Variants in GANC observed in about 807,000 individuals in gnomAD.
The protein encoded by GANC is glucosidase alpha, neutral C.
A neutral mutation model predicts 124.2 loss-of-function variants in GANC; 117 were observed. The observed-to-expected ratio is 0.94, with a 90% CI of 0.81 to 1.10. The LOEUF is 1.10. Among genes scored for constraint, GANC ranks in the 50% least tolerant of loss-of-function variants. GANC has a pLI of 0.00. For missense variants in GANC, 1,140 were observed against 1,095.0 expected, an observed-to-expected ratio of 1.04 and a Z score of -0.58; for synonymous variants, 377 against 376.8, an observed-to-expected ratio of 1.00 and a Z score of -0.01.
At chr15:42,274,537 G>C (rs1340741794) in intron 1 of GANC, 27 bp downstream of exon 1, 1 of 1,599,854 alleles carries the variant, frequency 6.3e-7, no homozygotes, top group South Asian at 1.1e-5. Context: ...TCTGTAGCGA[G>C]TGACCCCAGG....
chr15:42,298,078 A>C (rs2051908665), intron 6 of GANC, among the ~76,000 whole-genome samples: 1 of 152,212 alleles, frequency 6.6e-6, no homozygotes, highest in South Asian at 2.1e-4. Context: ...AGGGTCAGGA[A>C]AGACCTTCTG....
chr15:42,351,722 A>G (rs16973153), intron 23 of GANC, among the ~76,000 whole-genome samples: 14,761 of 152,264 alleles, frequency 0.097, 841 homozygotes, highest in South Asian at 0.18. Flanking sequence ...AAGACCTGGA[A>G]AATCCTACCC....
At position 42,291,642 on chromosome 15, in the gene GANC, GTGGAGATAA is replaced by G. The variant is rs1595765684; in HGVS notation, c.330-1090_330-1082del. Among the ~76,000 whole-genome samples, 3 of 152,290 alleles carry G rather than the reference GTGGAGATAA, an allele frequency of 2.0e-5. No homozygotes were observed. The East Asian group carries it at 5.8e-4, about 29-fold the overall frequency. ...CGTTAAAATGGTCTCCCTGATTTCA[GTGGAGATAA>G]TGAGACTCCAGGTAGCAGAGGCAGA... On this transcript the variant is annotated intron_variant, in intron 4 of 23. Coordinates refer to ENST00000318010, the MANE Select transcript of GANC (RefSeq NM_198141.3).
chr15:42,300,583 C>T (rs1427544512), intron 6 of GANC, among the ~76,000 whole-genome samples: 3 of 152,190 alleles, frequency 2.0e-5, no homozygotes, highest in African/African-American at 7.2e-5. Context: ...TTTGGCCCAG[C>T]AGTCCCATTA....
chr15:42,282,727 C>G (rs762888989), intron 3 of GANC, among the ~76,000 whole-genome samples: 7 of 152,200 alleles, frequency 4.6e-5, no homozygotes, highest in Non-Finnish European at 1.0e-4. Flanking sequence ...GAAGCAGAAC[C>G]AAGCTTCATT....
Position 42,330,657 on chromosome 15 carries a change from G to T in GANC, c.1726G>T (p.Gly576Ter), listed in dbSNP as rs940309710. ...TGTTCTTACACGTTCTTTCTTTGCT[G>T]GATCACAAAAGTATGGTAAGGAATG... ...PFVLTRSFFA[G>*]SQKYGAVWTG... The change falls in exon 15 of 24, where the codon GGA becomes TGA. Residue 576 changes from glycine to a stop codon, truncating the protein, a stop_gained. Transcript: ENST00000318010. LOFTEE classifies it high-confidence loss of function. 3 of 1,606,240 alleles carry T rather than the reference G, an allele frequency of 1.9e-6. No homozygotes were observed. The highest frequency in any genetic ancestry group is 3.5e-5 in the Admixed American group (2 of 57,952).
chr15:42,309,083 T>G (rs990387742), intron 8 of GANC, among the ~76,000 whole-genome samples: 18 of 152,156 alleles, frequency 1.2e-4, no homozygotes, highest in African/African-American at 4.3e-4. Flanking sequence ...GGATATCATG[T>G]CAGGCTAACA....
intron 21 of GANC, among the ~76,000 whole-genome samples, chr15:42,348,491 T>C (rs1007446426): frequency 7.9e-5 from 12 of 152,202 alleles, no homozygotes; most frequent in Non-Finnish European, 1.8e-4. Flanking sequence ...GAGTGAATGC[T>C]TTTTGGGCCA....
intron 1 of GANC, among the ~76,000 whole-genome samples, chr15:42,275,190 C>T (rs1395485925): frequency 6.6e-6 from 1 of 152,082 alleles, no homozygotes; most frequent in Non-Finnish European, 1.5e-5. Context: ...GCCTGGGCAA[C>T]ATGCTGAATC....
In GANC at chr15:42,273,748, A is replaced by G. The variant is rs1389074823; in HGVS notation, c.-734A>G. The G allele has an allele frequency of 3.6e-6, 1 of 277,124 alleles. No individual in the cohort carries two copies. Among genetic ancestry groups the G allele is most frequent in the Non-Finnish European group, 7.1e-6 (1 of 139,948 alleles). 17.2% of individuals were successfully genotyped at this position (277,124 alleles called of 1,614,324 possible). A position where few individuals can be genotyped will look rare whatever the true frequency, so the allele number is the denominator to read the frequency against. ...CTACTTCCGCTCGCCCCAGCCCTTCATCCCTTCTAAGTCAATGTCAGACTT... is the reference window on the plus strand; with the variant it reads ...CTACTTCCGCTCGCCCCAGCCCTTCGTCCCTTCTAAGTCAATGTCAGACTT... On this transcript the variant is annotated 5_prime_UTR_variant, in exon 1 of 24. Coordinates refer to ENST00000318010, the MANE Select transcript of GANC (RefSeq NM_198141.3).
Position 42,352,120 on chromosome 15 carries a change from G to T in GANC, c.2726G>T (p.Trp909Leu). The change falls in exon 24 of 24, where the codon TGG becomes TTG. Residue 909 changes from tryptophan to leucine, a missense_variant. Trp to Leu is a moderately conservative substitution (Grantham distance 61). Coordinates refer to ENST00000318010, the MANE Select transcript of GANC (RefSeq NM_198141.3). Reference protein sequence around the residue: ...EKLSLNIATDWEVRII With the variant: ...EKLSLNIATDLEVRII ...CTCTCACTCAACATTGCCACTGACT[G>T]GGAGGTCCGCATCATATGACAAAGA... 6.2e-7 allele frequency: 1 copy of T among 1,614,134 alleles called. No individual in the cohort carries two copies. The highest frequency in any genetic ancestry group is 2.2e-5 in the East Asian group (1 of 44,882).
chr15:42,291,053 A>C (rs1300429449), intron 4 of GANC, among the ~76,000 whole-genome samples: 7 of 152,038 alleles, frequency 4.6e-5, no homozygotes, highest in Non-Finnish European at 8.8e-5. Flanking sequence ...CACTGCCTCC[A>C]GACCCATCAT....
chr15:42,286,044 A>G (rs2051784210), intron 3 of GANC, among the ~76,000 whole-genome samples: 2 of 151,602 alleles, frequency 1.3e-5, no homozygotes, highest in African/African-American at 2.4e-5. Context: ...CTGTTTTACT[A>G]AAAATGGGAC....
intron 10 of GANC, among the ~76,000 whole-genome samples, chr15:42,312,586 A>G (rs557439563): frequency 1.3e-5 from 2 of 152,224 alleles, no homozygotes; most frequent in African/African-American, 2.4e-5. Flanking sequence ...TCTTAAGCAG[A>G]GTGAAAATCA....
intron 17 of GANC, 80 bp downstream of exon 17, chr15:42,339,992 TA>T: frequency 6.8e-7 from 1 of 1,478,316 alleles, no homozygotes. Context: ...ATGCAATAAT[TA>T]CAGTGATTTC....
intron 5 of GANC, among the ~76,000 whole-genome samples, chr15:42,294,698 C>G (rs2051874576): frequency 6.6e-6 from 1 of 151,182 alleles, no homozygotes; most frequent in South Asian, 2.1e-4. Context: ...ATGGCGCCAC[C>G]TTTACACATT....
intron 13 of GANC, among the ~76,000 whole-genome samples, chr15:42,327,669 ACT>A (rs1325934004): frequency 6.6e-6 from 1 of 152,002 alleles, no homozygotes; most frequent in Non-Finnish European, 1.5e-5. Flanking sequence ...ATTATAATAG[ACT>A]CTATGATATA....
At chr15:42,323,855 C>G (rs1299146639) in intron 11 of GANC, among the ~76,000 whole-genome samples, 1 of 151,960 alleles carries the variant, frequency 6.6e-6, no homozygotes, top group African/African-American at 2.4e-5. Context: ...AATGAGTAAG[C>G]AGGGAGAGGG....
At chr15:42,284,070 G>C (rs1445622702) in intron 3 of GANC, 1 of 688,100 alleles carries the variant, frequency 1.5e-6, no homozygotes, top group African/African-American at 1.8e-5. Flanking sequence ...GCCACTCACT[G>C]TTCTATGTCT....
Sources: gnomAD v4.1 joint callset for allele counts (sites outside exome capture counted in the v4.1 genomes callset) on GRCh38, gnomAD v4.1.1 for gene constraint, MANE v1.5 for transcripts, NCBI Gene and HGNC (gene_info 2026-07-23, HGNC 2026-07-21) for gene names.